AGBL3: variants seen among roughly 807,000 people sequenced by gnomAD.
AGBL3 encodes the protein cytosolic carboxypeptidase 3.
Under a neutral mutation model 94.5 loss-of-function variants are expected in AGBL3, and 68 were observed. That is an observed-to-expected ratio of 0.72 (90% CI 0.59 to 0.88). The LOEUF (loss-of-function observed/expected upper bound fraction) is 0.88. Ranked by LOEUF, AGBL3 falls within the 40% of genes least tolerant of loss-of-function variation. The pLI is 0.00. For synonymous variants in AGBL3, 354 were observed against 370.7 expected, an observed-to-expected ratio of 0.95 and a Z score of 0.52; for missense variants, 934 against 1,103.8, an observed-to-expected ratio of 0.85 and a Z score of 2.18.
At chr7:135,045,777 C>T (rs1412979513) in intron 10 of AGBL3, 22 bp from the exon 11 acceptor site, 1 of 1,469,846 alleles carries the variant, frequency 6.8e-7, no homozygotes, top group Admixed American at 2.1e-5. Context: ...TCATAATGAG[C>T]TCATTTATTA....
rs913985649 is a variant in AGBL3, at chr7:135,076,589, C to T, written c.1980+121C>T. ...CCCCAGGAGAAGTTAAAATTTTGTT[C>T]ATATTATCTACTGTTTATAAAAACA... On this transcript the variant is annotated intron_variant, in intron 13 of 16. Transcript: ENST00000436302. 70 of 708,778 alleles carry T rather than the reference C, an allele frequency of 9.9e-5. 1 individual carries two copies. Among genetic ancestry groups the T allele is most frequent in the Non-Finnish European group, 1.6e-4 (66 of 424,906 alleles). The allele number at this position is 708,778 out of a possible 1,614,324, so 43.9% of individuals were successfully genotyped here. A position where few individuals can be genotyped will look rare whatever the true frequency, so the allele number is the denominator to read the frequency against.
rs1333740280 is a variant in AGBL3, at chr7:134,989,583, T to G, written c.124+273T>G. On this transcript the variant is annotated intron_variant, in intron 3 of 16. Transcript: ENST00000436302. ...CATTTGTTTAAATGTATTGACTGTATGACTCAAGTTATAACGGACAGATTA... is the reference window on the plus strand; with the variant it reads ...CATTTGTTTAAATGTATTGACTGTAGGACTCAAGTTATAACGGACAGATTA... Among the ~76,000 whole-genome samples the G allele has an allele frequency of 2.0e-5, 3 of 152,328 alleles. No individual in the cohort carries two copies. In the East Asian group the frequency reaches 5.8e-4, roughly 29 times the overall value.
intron 11 of AGBL3, among the ~76,000 whole-genome samples, chr7:135,056,621 T>A (rs554857702): frequency 5.3e-5 from 8 of 150,970 alleles, no homozygotes; most frequent in South Asian, 2.1e-4. Context: ...AATTTAAAAT[T>A]AAAAAAAAAT....
intron 3 of AGBL3, among the ~76,000 whole-genome samples, chr7:134,991,389 C>T (rs909403249): frequency 1.3e-5 from 2 of 152,078 alleles, no homozygotes; most frequent in African/African-American, 4.8e-5. Context: ...CCTGGGTCTT[C>T]TGTTAAGAAA....
chr7:135,047,513 A>G lies in AGBL3; in HGVS notation c.1841+1602A>G, dbSNP rs569836235. ...TCCCACCATAGTGTACAAGGTTTTC[A>G]ATTTCTCCACATTCTCCCTAACACT... is the stretch of plus-strand genomic sequence containing the variant. On this transcript the variant is annotated intron_variant, in intron 11 of 16. Transcript: ENST00000436302. 5.3e-5 allele frequency among the ~76,000 whole-genome samples: 8 copies of G among 152,016 alleles called. No homozygotes were observed. The South Asian group carries it at 1.7e-3, about 32-fold the overall frequency.
At chr7:135,001,504 G>A (rs987767434) in intron 4 of AGBL3, among the ~76,000 whole-genome samples, 3 of 152,154 alleles carry the variant, frequency 2.0e-5, no homozygotes, top group Non-Finnish European at 2.9e-5. Context: ...CCAGACTAAG[G>A]TAAATAGAAC....
chr7:135,123,181 C>A (rs1827382948), intron 16 of AGBL3, among the ~76,000 whole-genome samples: 1 of 152,038 alleles, frequency 6.6e-6, no homozygotes, highest in South Asian at 2.1e-4. Flanking sequence ...ACTAGAATAA[C>A]CAGTTTAGAG....
At chr7:135,110,184 T>C (rs892212571) in intron 15 of AGBL3, among the ~76,000 whole-genome samples, 1 of 152,108 alleles carries the variant, frequency 6.6e-6, no homozygotes, top group Admixed American at 6.5e-5. Context: ...GGGAGCTCTG[T>C]CTCAGGGAGG....
At chr7:135,118,784 A>C (rs1209612474) in intron 16 of AGBL3, among the ~76,000 whole-genome samples, 1 of 152,168 alleles carries the variant, frequency 6.6e-6, no homozygotes. Flanking sequence ...ACTTGGAAGA[A>C]ATAAAAAAAT....
chr7:135,117,332 A>C (rs1826461071), intron 16 of AGBL3, among the ~76,000 whole-genome samples: 1 of 150,770 alleles, frequency 6.6e-6, no homozygotes, highest in African/African-American at 2.4e-5. Context: ...CCTAGACCCT[A>C]TTCATTTTGG....
At chr7:135,133,635 G>T (rs1160702442) in intron 16 of AGBL3, among the ~76,000 whole-genome samples, 2 of 152,128 alleles carry the variant, frequency 1.3e-5, no homozygotes, top group Non-Finnish European at 2.9e-5. Flanking sequence ...TTGCTCCACT[G>T]ATTTTGATAG....
At chr7:135,045,640 GC>G in intron 10 of AGBL3, 66 bp downstream of exon 10, 1 of 1,430,194 alleles carries the variant, frequency 7.0e-7, no homozygotes, top group Non-Finnish European at 9.6e-7. Flanking sequence ...CTGACTATGG[GC>G]CTATGCAGTG....
chr7:135,070,671 G>A (rs1206890358), intron 12 of AGBL3, among the ~76,000 whole-genome samples: 7 of 151,634 alleles, frequency 4.6e-5, no homozygotes, highest in African/African-American at 1.2e-4. Context: ...GACAAAATTC[G>A]ACAATGCTTC....
At chr7:135,099,448 T>C (rs556691287) in intron 15 of AGBL3, among the ~76,000 whole-genome samples, 1 of 152,328 alleles carries the variant, frequency 6.6e-6, no homozygotes, top group Admixed American at 6.5e-5. Flanking sequence ...GAAGTAATTG[T>C]CAAGAAAGTT....
chr7:135,002,418 C>T (rs1465082077), intron 4 of AGBL3, among the ~76,000 whole-genome samples: 1 of 152,052 alleles, frequency 6.6e-6, no homozygotes, highest in Non-Finnish European at 1.5e-5. Context: ...CCTCGGTGTC[C>T]AGAGTTTCTA....
chr7:135,094,824 G>A (rs1045479404), intron 15 of AGBL3, among the ~76,000 whole-genome samples: 7 of 152,194 alleles, frequency 4.6e-5, no homozygotes, highest in Non-Finnish European at 8.8e-5. Flanking sequence ...TTGTTTGTCA[G>A]ATTTTTCATT....
chr7:135,126,715 C>G (rs990721023), intron 16 of AGBL3, among the ~76,000 whole-genome samples: 5 of 152,084 alleles, frequency 3.3e-5, no homozygotes, highest in Non-Finnish European at 7.4e-5. Context: ...AATAATACCA[C>G]ACATCTACAA....
chr7:135,056,661 T>C lies in AGBL3; in HGVS notation c.1842-2508T>C, dbSNP rs1475523963. ...TCTATGCTAGCACAAAAATTTAAAA[T>C]ACTTGGATTAAAGCTACCAAAATAT... On this transcript the variant is annotated intron_variant, in intron 11 of 16. Coordinates refer to ENST00000436302, the MANE Select transcript of AGBL3 (RefSeq NM_178563.4). Among the ~76,000 whole-genome samples the C allele has an allele frequency of 2.0e-5, 3 of 152,038 alleles. No individual in the cohort carries two copies. The East Asian group carries it at 5.8e-4, about 29-fold the overall frequency.
At chr7:134,995,100 TTC>T (rs1337067564) in intron 4 of AGBL3, 2 of 152,216 alleles carry the variant, frequency 1.3e-5, no homozygotes, top group African/African-American at 4.8e-5. Context: ...TGTACTTTGG[TTC>T]TGTTTCCTAG....
Sources: allele counts gnomAD v4.1 joint callset (sites outside exome capture counted in the v4.1 genomes callset), GRCh38; gene constraint gnomAD v4.1.1; transcripts MANE v1.5; gene names NCBI Gene and HGNC (gene_info 2026-07-23, HGNC 2026-07-21).